GDF9: variants seen among roughly 807,000 people sequenced by gnomAD.
The protein encoded by GDF9 is growth differentiation factor 9.
In GDF9, 30 loss-of-function variants were observed where a neutral mutation model predicts 33.8. The ratio of observed to expected loss-of-function variants is 0.89; its 90% CI spans 0.66 to 1.20. The LOEUF (loss-of-function observed/expected upper bound fraction) is 1.20. GDF9 is among the 50% of genes most tolerant of loss of function. The pLI, the probability that GDF9 is intolerant of heterozygous loss-of-function variation, is 0.00. For missense variants in GDF9, 556 were observed against 543.7 expected, an observed-to-expected ratio of 1.02 and a Z score of -0.22; for synonymous variants, 205 against 200.7, an observed-to-expected ratio of 1.02 and a Z score of -0.18.
rs1475914007 is a variant in GDF9 at position 132,861,941 on chromosome 5, T to G, written c.1013A>C (p.Asn338Thr). Residue 338 changes from asparagine (N) to threonine (T), a missense_variant, in exon 2 of 2, where the codon AAT becomes ACT. Transcript: ENST00000687138. ...LKKPLGPASF[N>T]LSEYFRQFLL... ...AAATTGTCTGAAGTATTCACTCAGA[T>G]TGAAGGAAGCTGGGCCCAAGGGCTT... 1.9e-6 allele frequency: 3 copies of G among 1,613,962 alleles called. No homozygotes were observed. In the African/African-American group the frequency reaches 4.0e-5, roughly 22 times the overall value.
rs948781651 is a variant in GDF9, at chr5:132,865,483, T to A, written c.-950A>T. 3 of 152,154 alleles carry A rather than the reference T, an allele frequency of 2.0e-5. No homozygotes were observed. Among genetic ancestry groups the A allele is most frequent in the Non-Finnish European group, 4.4e-5 (3 of 68,036 alleles). 9.4% of individuals were successfully genotyped at this position (152,154 alleles called of 1,614,324 possible). ...GGAGCTGAGACCAGGCTAGACATTA[T>A]GGTTTAAAAAAATGAGGCAAAGGAG... is the stretch of plus-strand genomic sequence containing the variant. On this transcript the variant is annotated 5_prime_UTR_variant, in exon 1 of 2. Transcript: ENST00000687138.
Position 132,861,651 on chromosome 5 carries a change from C to G in GDF9, c.1303G>C (p.Asp435His). 6.2e-7 allele frequency: 1 copy of G among 1,601,236 alleles called. No homozygotes were observed. The highest frequency in any genetic ancestry group is 8.6e-7 in the Non-Finnish European group (1 of 1,168,174). The change falls in exon 2 of 2, where the codon GAT becomes CAT. Residue 435 changes from aspartate to histidine, a missense_variant. By Grantham distance (81) the Asp-to-His change is moderately conservative. Coordinates refer to ENST00000687138, the MANE Select transcript of GDF9 (RefSeq NM_005260.7). ...TACTCTTTATAGGCAATTGAGCCATCGGGCTCAATGGTCAAAACACTCAAG... is the reference window on the plus strand; with the variant it reads ...TACTCTTTATAGGCAATTGAGCCATGGGGCTCAATGGTCAAAACACTCAAG... ...SPLSVLTIEP[D>H]GSIAYKEYED...
Position 132,861,430 on chromosome 5 carries a change from TGATA to T in GDF9, c.*155_*158del. 1 of 689,348 alleles carries T rather than the reference TGATA, an allele frequency of 1.5e-6. No individual in the cohort carries two copies. The highest frequency in any genetic ancestry group is 1.7e-5 in the South Asian group (1 of 59,964). The allele number at this position is 689,348 out of a possible 1,614,324, so 42.7% of individuals were successfully genotyped here. Reference sequence around the variant, plus strand: ...AACAATTGATGTTATCCCTTTATCCTGATAGATGCCATAGAAGGTACTAACCTAC... The same window carrying T: ...AACAATTGATGTTATCCCTTTATCCTGATGCCATAGAAGGTACTAACCTAC... On this transcript the variant is annotated 3_prime_UTR_variant, in exon 2 of 2. Coordinates refer to ENST00000687138, the MANE Select transcript of GDF9 (RefSeq NM_005260.7).
chr5:132,863,385 G>A (rs1201098927), intron 1 of GDF9, among the ~76,000 whole-genome samples: 1 of 151,580 alleles, frequency 6.6e-6, no homozygotes, highest in Non-Finnish European at 1.5e-5. Flanking sequence ...TAAGGAAGCA[G>A]ATACAACTGC....
rs540817200 is a variant in GDF9, at chr5:132,865,909, G to C, written c.-1376C>G. ...GGGGAGAAGAAAGAACTGGGGCATC[G>C]TGATTCCCCCCACCCCACGCAAACC... On this transcript the variant is annotated 5_prime_UTR_variant, in exon 1 of 2. Coordinates refer to ENST00000687138, the MANE Select transcript of GDF9 (RefSeq NM_005260.7). Among the ~76,000 whole-genome samples, 1 of 152,284 alleles carries C rather than the reference G, an allele frequency of 6.6e-6. No homozygotes were observed. The highest frequency in any genetic ancestry group is 6.5e-5 in the Admixed American group (1 of 15,306).
chr5:132,866,455 C>T lies in GDF9; in HGVS notation c.-1922G>A, dbSNP rs1759609853. On this transcript the variant is annotated 5_prime_UTR_variant, in exon 1 of 2. Coordinates refer to ENST00000687138, the MANE Select transcript of GDF9 (RefSeq NM_005260.7). Reference sequence around the variant, plus strand: ...CCAAAGTCAGTTCAATCCCCGACGTCCTCCGCTAGGCTCCACCCCACCGGC... The same window carrying T: ...CCAAAGTCAGTTCAATCCCCGACGTTCTCCGCTAGGCTCCACCCCACCGGC... The T allele has an allele frequency of 1.7e-5, 4 of 233,942 alleles. No individual in the cohort carries two copies. In the South Asian group the frequency reaches 1.9e-4, roughly 11 times the overall value. 14.5% of individuals were successfully genotyped at this position (233,942 alleles called of 1,614,324 possible). A position where few individuals can be genotyped will look rare whatever the true frequency, so the allele number is the denominator to read the frequency against.
chr5:132,865,667 T>G lies in GDF9; in HGVS notation c.-1134A>C, dbSNP rs925940631. The G allele has an allele frequency of 3.9e-5, 6 of 152,178 alleles. No individual in the cohort carries two copies. Among genetic ancestry groups the G allele is most frequent in the Admixed American group, 6.5e-5 (1 of 15,276 alleles). The allele number at this position is 152,178 out of a possible 1,614,324, so 9.4% of individuals were successfully genotyped here. ...GTCTGCAAAATACAAGTTGACTGCC[T>G]GCCGAGCCTCCGTGGTCCGTAAGTA... On this transcript the variant is annotated 5_prime_UTR_variant, in exon 1 of 2. Coordinates refer to ENST00000687138, the MANE Select transcript of GDF9 (RefSeq NM_005260.7).
chr5:132,861,754 G>T lies in GDF9; in HGVS notation c.1200C>A (p.Thr400=). 1 of 1,611,690 alleles carries T rather than the reference G, an allele frequency of 6.2e-7. No individual in the cohort carries two copies. The highest frequency in any genetic ancestry group is 8.5e-7 in the Non-Finnish European group (1 of 1,177,756). The part of the protein sequence containing the change: ...VGHRYGSPVH[T]MVQNIIYEKL... ...TCTCATAGATGATGTTCTGTACCAT[G>T]GTGTGAACTGGAGAGCCATACCGAT... Residue 400 remains threonine, a synonymous_variant, in exon 2 of 2, where the codon ACC becomes ACA. Transcript: ENST00000687138.
In GDF9 at chr5:132,862,137, G is replaced by C; in HGVS notation, c.817C>G (p.Gln273Glu). The C allele has an allele frequency of 5.6e-6, 9 of 1,612,738 alleles. No homozygotes were observed. The highest frequency in any genetic ancestry group is 7.6e-6 in the Non-Finnish European group (9 of 1,178,742). ...AGGGAATACCAGCTGTGATAAGCCT[G>C]AGCACTTGTGTCATTCAAATATAAG... ...LILYLNDTSA[Q>E]AYHSWYSLHY... Residue 273 changes from glutamine to glutamate, a missense_variant, in exon 2 of 2, where the codon CAG becomes GAG. By Grantham distance (29) the Gln-to-Glu change is conservative (BLOSUM62 2). Coordinates refer to ENST00000687138, the MANE Select transcript of GDF9 (RefSeq NM_005260.7).
At chr5:132,863,812 A>G (rs57187358) in intron 1 of GDF9, among the ~76,000 whole-genome samples, 2,797 of 152,316 alleles carry the variant, frequency 0.018, 92 homozygotes, top group African/African-American at 0.064. Flanking sequence ...TAGCTGTAAG[A>G]GATGTTTAAG....
chr5:132,862,232 T>G lies in GDF9; in HGVS notation c.722A>C (p.Lys241Thr). The G allele has an allele frequency of 6.2e-7, 1 of 1,614,032 alleles. No individual in the cohort carries two copies. Among genetic ancestry groups the G allele is most frequent in the Non-Finnish European group, 8.5e-7 (1 of 1,179,846 alleles). Residue 241 changes from lysine (K) to threonine (T), a missense_variant, in exon 2 of 2, where the codon AAA becomes ACA. Transcript: ENST00000687138. ...IHMSINFTCM[K>T]DQLEHPSAQN... ...TGCTGAAGGATGCTCCAGCTGGTCTTTCATGCAAGTAAAATTTATAGACAT... is the reference window on the plus strand; with the variant it reads ...TGCTGAAGGATGCTCCAGCTGGTCTGTCATGCAAGTAAAATTTATAGACAT...
At position 132,861,891 on chromosome 5, in the gene GDF9, G is replaced by A. The variant is rs754168131; in HGVS notation, c.1063C>T (p.Leu355Phe). The A allele has an allele frequency of 1.2e-6, 2 of 1,613,452 alleles. No individual in the cohort carries two copies. Among genetic ancestry groups the A allele is most frequent in the Admixed American group, 3.3e-5 (2 of 60,004 alleles). The change falls in exon 2 of 2, where the codon CTC becomes TTC. Residue 355 changes from leucine (L) to phenylalanine (F), a missense_variant. By Grantham distance (22) the Leu-to-Phe change is conservative. Transcript: ENST00000687138. ...CTAAAGCTAAGTCTAAAGTCATGGA[G>A]CTCACACTCATTTTGGGGAAGAAGA... ...QFLLPQNECELHDFRLSFSQL... is the reference protein window; with the variant it reads ...QFLLPQNECEFHDFRLSFSQL...
At position 132,861,470 on chromosome 5, in the gene GDF9, C is replaced by T. The variant is rs1759218641; in HGVS notation, c.*119G>A. 2.3e-6 allele frequency: 2 copies of T among 879,504 alleles called. No individual in the cohort carries two copies. Among genetic ancestry groups the T allele is most frequent in the Non-Finnish European group, 3.8e-6 (2 of 519,532 alleles). 54.5% of individuals were successfully genotyped at this position (879,504 alleles called of 1,614,324 possible). The stretch of plus-strand genomic sequence containing the variant: ...AAGGTACTAACCTACACAGGCTCCT[C>T]TTTATATAACATATGCTACATTTAG... On this transcript the variant is annotated 3_prime_UTR_variant, in exon 2 of 2. Transcript: ENST00000687138.
rs1156832804 is a variant in GDF9 at position 132,865,295 on chromosome 5, CCTTA to C, written c.-766_-763del. 1.3e-5 allele frequency: 2 copies of C among 152,170 alleles called. No homozygotes were observed. The highest frequency in any genetic ancestry group is 2.9e-5 in the Non-Finnish European group (2 of 68,066). 9.4% of individuals were successfully genotyped at this position (152,170 alleles called of 1,614,324 possible). A position where few individuals can be genotyped will look rare whatever the true frequency, so the allele number is the denominator to read the frequency against. ...ATTTTTAAATGTAACATACTGATGT[CCTTA>C]CTTTGGTCTGCACACTCATCTATAC... On this transcript the variant is annotated 5_prime_UTR_variant, in exon 1 of 2. It removes the in-frame stop codon of an upstream open reading frame in the 5' UTR. Transcript: ENST00000687138.
In GDF9 at chr5:132,862,021, T is replaced by A. The variant is rs1421683208; in HGVS notation, c.933A>T (p.Arg311Ser). Reference sequence around the variant, plus strand: ...CTCTGCGGTGACGGTGATGGGAAGATCTCCCATCCTCAGCAGCCTCTTCTC... The same window carrying A: ...CTCTGCGGTGACGGTGATGGGAAGAACTCCCATCCTCAGCAGCCTCTTCTC... ...PVGEEAAEDGRSSHHRHRRGQ... is the reference protein window; with the variant it reads ...PVGEEAAEDGSSSHHRHRRGQ... The change falls in exon 2 of 2, where the codon AGA becomes AGT. Residue 311 changes from arginine to serine, a missense_variant. Physicochemically the swap from Arg to Ser is moderately radical, Grantham distance 110. Transcript: ENST00000687138. 1 of 1,612,762 alleles carries A rather than the reference T, an allele frequency of 6.2e-7. No homozygotes were observed. Among genetic ancestry groups the A allele is most frequent in the Admixed American group, 1.7e-5 (1 of 60,020 alleles).
chr5:132,864,453 A>G lies in GDF9; in HGVS notation c.81T>C (p.Ala27=), dbSNP rs1388146741. ...LCFPISLGSQ[A]SGGEAQIAAS... ...CAGCAATCTGAGCTTCTCCCCCAGA[A>G]GCCTGAGAACCAAGGCTAATAGGAA... Residue 27 remains alanine, a synonymous_variant, in exon 1 of 2, where the codon GCT becomes GCC. Transcript: ENST00000687138. 6.2e-7 allele frequency: 1 copy of G among 1,613,838 alleles called. No individual in the cohort carries two copies. Among genetic ancestry groups the G allele is most frequent in the South Asian group, 1.1e-5 (1 of 91,060 alleles).
Position 132,864,826 on chromosome 5 carries a change from GACTA to G in GDF9, c.-297_-294del, listed in dbSNP as rs1022161267. 4 of 401,742 alleles carry G rather than the reference GACTA, an allele frequency of 1.0e-5. No homozygotes were observed. The highest frequency in any genetic ancestry group is 4.6e-5 in the East Asian group (1 of 21,688). 24.9% of individuals were successfully genotyped at this position (401,742 alleles called of 1,614,324 possible). A position where few individuals can be genotyped will look rare whatever the true frequency, so the allele number is the denominator to read the frequency against. Reference sequence around the variant, plus strand: ...AAAACCCGTTACTGTTACACTACCGGACTAACTATGTAGCTGAAAGTCTAAGATA... The same window carrying G: ...AAAACCCGTTACTGTTACACTACCGGACTATGTAGCTGAAAGTCTAAGATA... On this transcript the variant is annotated 5_prime_UTR_variant, in exon 1 of 2. Transcript: ENST00000687138.
chr5:132,862,122 AGCT>A lies in GDF9; in HGVS notation c.829_831del (p.Ser277del). On this transcript the variant is annotated inframe_deletion, in exon 2 of 2. Transcript: ENST00000687138. ...CTCCTTTTATAGTGAAGGGAATACC[AGCT>A]GTGATAAGCCTGAGCACTTGTGTCA... is the stretch of plus-strand genomic sequence containing the variant. The A allele has an allele frequency of 6.2e-7, 1 of 1,613,200 alleles. No homozygotes were observed. Among genetic ancestry groups the A allele is most frequent in the Non-Finnish European group, 8.5e-7 (1 of 1,179,112 alleles).
chr5:132,861,795 G>C lies in GDF9; in HGVS notation c.1159C>G (p.Pro387Ala), dbSNP rs370012885. The C allele has an allele frequency of 1.2e-6, 2 of 1,612,930 alleles. No homozygotes were observed. Among genetic ancestry groups the C allele is most frequent in the Non-Finnish European group, 1.7e-6 (2 of 1,178,988 alleles). ...CCATACCGATGTCCAACTGCCCTTG[G>C]ACAGTCCCCTTTACAGTATCGAGGG... Reference protein sequence around the residue: ...YNPRYCKGDCPRAVGHRYGSP... With the variant: ...YNPRYCKGDCARAVGHRYGSP... Residue 387 changes from proline to alanine, a missense_variant, in exon 2 of 2, where the codon CCA becomes GCA. Coordinates refer to ENST00000687138, the MANE Select transcript of GDF9 (RefSeq NM_005260.7).
Sources: gnomAD v4.1 joint callset for allele counts (sites outside exome capture counted in the v4.1 genomes callset) on GRCh38, gnomAD v4.1.1 for gene constraint, MANE v1.5 for transcripts, NCBI Gene and HGNC (gene_info 2026-07-23, HGNC 2026-07-21) for gene names.